Variants in M1AP observed in about 807,000 individuals in gnomAD.
M1AP encodes the protein meiosis 1 associated protein, also known as meiosis 1 arrest protein.
Under a neutral mutation model 51.2 loss-of-function variants are expected in M1AP, and 39 were observed. The observed-to-expected ratio is 0.76, with a 90% confidence interval of 0.59 to 1.00. The LOEUF (loss-of-function observed/expected upper bound fraction) is 1.00. Ranked by LOEUF, M1AP falls within the 50% of genes least tolerant of loss-of-function variation. The pLI, the probability that M1AP is intolerant of heterozygous loss-of-function variation, is 0.00. For missense variants in M1AP, 545 were observed against 641.2 expected (o/e 0.85, Z 1.62); for synonymous variants, 251 against 249.2 (o/e 1.01, Z -0.07).
At chr2:74,582,872 T>C (rs1322541536) in intron 4 of M1AP, among the ~76,000 whole-genome samples, 5 of 151,984 alleles carry the variant, frequency 3.3e-5, no homozygotes, top group Admixed American at 3.3e-4. Context: ...AATATAAAAA[T>C]TAGCCAGGTG....
intron 2 of M1AP, among the ~76,000 whole-genome samples, chr2:74,638,226 T>C (rs536226975): frequency 6.6e-6 from 1 of 152,136 alleles, no homozygotes; most frequent in East Asian, 1.9e-4. Context: ...GGATAATTTT[T>C]GTATTTTTGT....
At chr2:74,618,568 T>C (rs1204263885) in intron 2 of M1AP, among the ~76,000 whole-genome samples, 1 of 152,278 alleles carries the variant, frequency 6.6e-6, no homozygotes, top group East Asian at 1.9e-4. Flanking sequence ...TGCACAGCTG[T>C]TTCCAGGCAC....
intron 7 of M1AP, among the ~76,000 whole-genome samples, chr2:74,563,811 A>G (rs933929703): frequency 6.6e-6 from 1 of 152,156 alleles, no homozygotes; most frequent in African/African-American, 2.4e-5. Flanking sequence ...GGCATGGGTA[A>G]GAAGAAGAGA....
intron 10 of M1AP, 101 bp from the exon 11 acceptor site, chr2:74,558,975 T>C (rs568777812): frequency 7.9e-6 from 9 of 1,144,746 alleles, no homozygotes; most frequent in African/African-American, 4.8e-5. Flanking sequence ...CCTAAGTTCA[T>C]TCCCTGGAGT....
intron 7 of M1AP, among the ~76,000 whole-genome samples, chr2:74,568,694 C>T (rs542540602): frequency 3.3e-5 from 5 of 152,252 alleles, no homozygotes; most frequent in African/African-American, 1.2e-4. Context: ...GAGAAAGCTT[C>T]CAAAAAGTAG....
intron 1 of M1AP, 131 bp downstream of exon 1, chr2:74,648,134 C>T: frequency 1.0e-6 from 1 of 971,994 alleles, no homozygotes; most frequent in African/African-American, 1.8e-5. Context: ...TGCGCCGGCA[C>T]CCGCCACGGC....
intron 7 of M1AP, among the ~76,000 whole-genome samples, chr2:74,563,141 G>A (rs1458524839): frequency 2.0e-5 from 3 of 152,110 alleles, no homozygotes; most frequent in African/African-American, 7.2e-5. Flanking sequence ...AGCACTTTGG[G>A]AGGCCAAGCC....
intron 2 of M1AP, among the ~76,000 whole-genome samples, chr2:74,639,045 T>C (rs1198670157): frequency 6.6e-6 from 1 of 152,178 alleles, no homozygotes; most frequent in East Asian, 1.9e-4. Context: ...TACTCAAAAC[T>C]TTCCCTGTGT....
intron 1 of M1AP, among the ~76,000 whole-genome samples, chr2:74,647,053 A>C (rs945003552): frequency 1.3e-5 from 2 of 152,156 alleles, no homozygotes; most frequent in Admixed American, 1.3e-4. Context: ...ACACTCGCTT[A>C]ATGAATTCTC....
rs1677669782 is a variant in M1AP at position 74,558,605 on chromosome 2, C to A, written c.*111G>T. ...AGGCTGTTGTTTCCCAGTCAGCCCT[C>A]ACTCACAGAGGCTCAGGCGGATAGA... On this transcript the variant is annotated 3_prime_UTR_variant, in exon 11 of 11. Coordinates refer to ENST00000421985, the MANE Select transcript of M1AP (RefSeq NM_001321739.2). The A allele has an allele frequency of 3.9e-6, 5 of 1,298,694 alleles. No individual in the cohort carries two copies. The highest frequency in any genetic ancestry group is 5.4e-6 in the Non-Finnish European group (5 of 930,750). 80.4% of individuals were successfully genotyped at this position (1,298,694 alleles called of 1,614,324 possible).
chr2:74,571,628 T>C (rs1038111464), intron 7 of M1AP, among the ~76,000 whole-genome samples: 5 of 152,222 alleles, frequency 3.3e-5, no homozygotes, highest in Admixed American at 2.6e-4. Context: ...TTGTACTCTA[T>C]AACATACTGC....
Position 74,570,962 on chromosome 2 carries a change from A to G in M1AP, c.1074+4476T>C, listed in dbSNP as rs186246019. Among the ~76,000 whole-genome samples, 7 of 152,370 alleles carry G rather than the reference A, an allele frequency of 4.6e-5. No homozygotes were observed. The East Asian group carries it at 1.3e-3, about 29-fold the overall frequency. On this transcript the variant is annotated intron_variant, in intron 7 of 10. Coordinates refer to ENST00000421985, the MANE Select transcript of M1AP (RefSeq NM_001321739.2). ...AGACAAGTTGAGAGATTATTGCAGTATTAAAGGAAAGGTTAAAAGGGCTTG... is the reference window on the plus strand; with the variant it reads ...AGACAAGTTGAGAGATTATTGCAGTGTTAAAGGAAAGGTTAAAAGGGCTTG...
chr2:74,642,871 G>C (rs1683370753), intron 1 of M1AP, among the ~76,000 whole-genome samples: 1 of 151,994 alleles, frequency 6.6e-6, no homozygotes, highest in African/African-American at 2.4e-5. Flanking sequence ...CTTATGTATA[G>C]AAATATAGTT....
At chr2:74,611,266 T>C (rs1322529988) in intron 3 of M1AP, among the ~76,000 whole-genome samples, 1 of 152,208 alleles carries the variant, frequency 6.6e-6, no homozygotes, top group Non-Finnish European at 1.5e-5. Context: ...AGTTCTTCTT[T>C]AAATGTTTGG....
At chr2:74,566,843 A>C (rs1339798452) in intron 7 of M1AP, among the ~76,000 whole-genome samples, 1 of 152,146 alleles carries the variant, frequency 6.6e-6, no homozygotes, top group Non-Finnish European at 1.5e-5. Flanking sequence ...TGAACACATC[A>C]TGGCTTGAAT....
chr2:74,601,548 T>C (rs1680679930), intron 4 of M1AP, among the ~76,000 whole-genome samples: 1 of 152,070 alleles, frequency 6.6e-6, no homozygotes, highest in African/African-American at 2.4e-5. Context: ...ATTTGTATAA[T>C]GCATAATAAA....
intron 2 of M1AP, among the ~76,000 whole-genome samples, chr2:74,627,870 C>T (rs1558691845): frequency 6.6e-6 from 1 of 152,164 alleles, no homozygotes; most frequent in Non-Finnish European, 1.5e-5. Context: ...AGTCAAATCA[C>T]TCACTCTTAC....
chr2:74,587,410 G>T (rs1041782245), intron 4 of M1AP, among the ~76,000 whole-genome samples: 1 of 152,140 alleles, frequency 6.6e-6, no homozygotes, highest in Non-Finnish European at 1.5e-5. Context: ...GTGTTAGCCA[G>T]GATGGTCTCG....
intron 4 of M1AP, among the ~76,000 whole-genome samples, chr2:74,602,552 G>T (rs1015518341): frequency 2.0e-5 from 3 of 152,174 alleles, no homozygotes; most frequent in Non-Finnish European, 2.9e-5. Flanking sequence ...TAGCTAGAAA[G>T]TTATAGAAAC....
Sources: allele counts gnomAD v4.1 joint callset (sites outside exome capture counted in the v4.1 genomes callset), GRCh38; gene constraint gnomAD v4.1.1; transcripts MANE v1.5; gene names NCBI Gene and HGNC (gene_info 2026-07-23, HGNC 2026-07-21).